Variants in ATP8A2 observed in about 807,000 individuals in gnomAD.
ATP8A2 encodes the protein ATPase phospholipid transporting 8A2, also known as phospholipid-transporting ATPase IB.
In ATP8A2, 100 loss-of-function variants were observed where a neutral mutation model predicts 165.6. The ratio of observed to expected loss-of-function variants is 0.60; its 90% CI spans 0.51 to 0.71. ATP8A2 has a LOEUF of 0.71. Among genes scored for constraint, ATP8A2 ranks in the 30% least tolerant of loss-of-function variants. ATP8A2 has a pLI of 0.00. For missense variants in ATP8A2, 1,227 were observed against 1,479.5 expected, an observed-to-expected ratio of 0.83 and a Z score of 2.80; for synonymous variants, 543 against 548.8, an observed-to-expected ratio of 0.99 and a Z score of 0.15.
rs1273523421 is a variant in ATP8A2 at position 25,512,499 on chromosome 13, T to G, written c.222-17500T>G. Among the ~76,000 whole-genome samples the G allele has an allele frequency of 2.2e-5, 3 of 134,278 alleles. No individual in the cohort carries two copies. In the Admixed American group the frequency reaches 2.2e-4, roughly 10 times the overall value. 88.1% of individuals were successfully genotyped at this position (134,278 alleles called of 152,430 possible). On this transcript the variant is annotated intron_variant, in intron 2 of 36. Transcript: ENST00000381655. ...TCATCTCCCGGACGGGGCGGCTGGC[T>G]GGGCGGGGGGCTGACCTCCCCACCT...
chr13:25,895,906 C>A (rs1169126437), intron 33 of ATP8A2, among the ~76,000 whole-genome samples: 5 of 151,814 alleles, frequency 3.3e-5, no homozygotes, highest in African/African-American at 1.2e-4. Context: ...TTATTGCATC[C>A]ATTTGATTCT....
intron 27 of ATP8A2, among the ~76,000 whole-genome samples, chr13:25,801,701 A>C (rs1316666221): frequency 6.6e-6 from 1 of 152,216 alleles, no homozygotes; most frequent in African/African-American, 2.4e-5. Flanking sequence ...AAATATTAAA[A>C]ATATGATATA....
At chr13:25,854,999 C>G (rs1952116616) in intron 30 of ATP8A2, among the ~76,000 whole-genome samples, 1 of 152,190 alleles carries the variant, frequency 6.6e-6, no homozygotes, top group Middle Eastern at 3.4e-3. Context: ...GCCTGTAATC[C>G]CAGCACTTTG....
At chr13:25,763,700 T>A (rs2044432050) in intron 25 of ATP8A2, among the ~76,000 whole-genome samples, 1 of 152,088 alleles carries the variant, frequency 6.6e-6, no homozygotes, top group Non-Finnish European at 1.5e-5. Flanking sequence ...TATACCAAAA[T>A]CTGGGCCATG....
chr13:25,573,087 G>A (rs759603147), intron 18 of ATP8A2, among the ~76,000 whole-genome samples: 1 of 152,160 alleles, frequency 6.6e-6, no homozygotes, highest in Non-Finnish European at 1.5e-5. Context: ...ATGAAGTACT[G>A]ATTGAATATA....
chr13:25,731,523 A>T (rs200567055), intron 25 of ATP8A2, among the ~76,000 whole-genome samples: 21,725 of 152,226 alleles, frequency 0.14, 1,900 homozygotes, highest in Admixed American at 0.22. Flanking sequence ...TTTTGGCCAA[A>T]GAATGCTTTT....
intron 24 of ATP8A2, among the ~76,000 whole-genome samples, chr13:25,664,231 G>C (rs2042106550): frequency 6.6e-6 from 1 of 152,114 alleles, no homozygotes; most frequent in African/African-American, 2.4e-5. Context: ...TTACTTTCTT[G>C]TAAGTAAAGG....
chr13:25,578,858 T>G lies in ATP8A2; in HGVS notation c.1826T>G (p.Met609Arg). Reference protein sequence around the residue: ...FERLSKDSKYMEETLCHLEYF... With the variant: ...FERLSKDSKYREETLCHLEYF... ...AGACTTTCAAAAGACTCAAAATATA[T>G]GGAGGAAACATTATGCCATCTGGAA... The change falls in exon 21 of 37, where the codon ATG (methionine) becomes AGG (arginine). Residue 609 changes from methionine (M) to arginine (R), a missense_variant. Coordinates refer to ENST00000381655, the MANE Select transcript of ATP8A2 (RefSeq NM_016529.6). The G allele has an allele frequency of 6.2e-7, 1 of 1,611,492 alleles. No individual in the cohort carries two copies. The highest frequency in any genetic ancestry group is 8.5e-7 in the Non-Finnish European group (1 of 1,177,650).
At chr13:25,792,576 A>G (rs115430373) in intron 27 of ATP8A2, among the ~76,000 whole-genome samples, 9 of 152,292 alleles carry the variant, frequency 5.9e-5, no homozygotes, top group African/African-American at 2.2e-4. Context: ...AAATGTAATT[A>G]TGGTCCTTGA....
chr13:25,907,669 T>C (rs1953984595), intron 33 of ATP8A2, among the ~76,000 whole-genome samples: 1 of 152,212 alleles, frequency 6.6e-6, no homozygotes, highest in Non-Finnish European at 1.5e-5. Context: ...AAAGCCTTAC[T>C]TCTTAACAGG....
rs149676040 is a variant in ATP8A2 at position 25,949,195 on chromosome 13, A to G, written c.3184-12380A>G. Among the ~76,000 whole-genome samples the G allele has an allele frequency of 7.1e-3, 1,077 of 152,328 alleles. 9 individuals carry two copies. Among genetic ancestry groups the G allele is most frequent in the African/African-American group, 0.025 (1,021 of 41,564 alleles). ...AATGAAATGGTGTCTGTCTGTTCCA[A>G]GGCTGGGCTCTGCAGGGGCAGGAGA... On this transcript the variant is annotated intron_variant, in intron 33 of 36. Coordinates refer to ENST00000381655, the MANE Select transcript of ATP8A2 (RefSeq NM_016529.6).
chr13:25,817,226 A>G (rs1431922246), intron 27 of ATP8A2, among the ~76,000 whole-genome samples: 1 of 152,140 alleles, frequency 6.6e-6, no homozygotes, highest in Non-Finnish European at 1.5e-5. Context: ...GCCTTGAACT[A>G]TAAAAAAAAT....
In ATP8A2 at chr13:25,423,084, C is replaced by G. The variant is rs904437778; in HGVS notation, c.77-45893C>G. 3.9e-5 allele frequency among the ~76,000 whole-genome samples: 6 copies of G among 152,102 alleles called. No individual in the cohort carries two copies. The East Asian group carries it at 9.6e-4, about 24-fold the overall frequency. ...CGTGTCTTCTTTCACTGCTCCACCC[C>G]CACCGTGGCATCATGACGGAAGGCA... On this transcript the variant is annotated intron_variant, in intron 1 of 36. Coordinates refer to ENST00000381655, the MANE Select transcript of ATP8A2 (RefSeq NM_016529.6).
intron 25 of ATP8A2, among the ~76,000 whole-genome samples, chr13:25,765,509 G>A (rs1165121975): frequency 6.6e-6 from 1 of 152,156 alleles, no homozygotes; most frequent in Non-Finnish European, 1.5e-5. Flanking sequence ...GAAATTAGCT[G>A]TTGGACATCT....
At chr13:25,824,723 C>G (rs1360868082) in intron 27 of ATP8A2, among the ~76,000 whole-genome samples, 1 of 151,904 alleles carries the variant, frequency 6.6e-6, no homozygotes, top group African/African-American at 2.4e-5. Flanking sequence ...TTTTTCTTTT[C>G]AGTTCACCTT....
Position 25,564,033 on chromosome 13 carries a change from T to TA in ATP8A2, c.1473+4dup. 6.2e-7 allele frequency: 1 copy of TA among 1,608,108 alleles called. No individual in the cohort carries two copies. Among genetic ancestry groups the TA allele is most frequent in the Non-Finnish European group, 8.5e-7 (1 of 1,174,510 alleles). On this transcript the variant is annotated splice_region_variant and intron_variant, in intron 16 of 36. Transcript: ENST00000381655. Reference sequence around the variant, plus strand: ...TTGAAGAACATTGAGGATCGCCATGTAAGTGCTCTGTTTTACTTCGAAGAC... The same window carrying TA: ...TTGAAGAACATTGAGGATCGCCATGTAAAGTGCTCTGTTTTACTTCGAAGAC...
At chr13:25,675,038 G>A (rs762709983) in intron 24 of ATP8A2, among the ~76,000 whole-genome samples, 1 of 152,116 alleles carries the variant, frequency 6.6e-6, no homozygotes, top group African/African-American at 2.4e-5. Context: ...AACCAAATGC[G>A]AGTCATCCTG....
At chr13:25,935,915 G>C (rs1593587259) in intron 33 of ATP8A2, among the ~76,000 whole-genome samples, 1 of 152,174 alleles carries the variant, frequency 6.6e-6, no homozygotes. Context: ...TGAGTTGCAG[G>C]TAATATGAGA....
chr13:26,003,800 A>G (rs1358283660), intron 35 of ATP8A2, among the ~76,000 whole-genome samples: 1 of 152,086 alleles, frequency 6.6e-6, no homozygotes, highest in Non-Finnish European at 1.5e-5. Context: ...GTGTGTTATT[A>G]GCACCTTTGT....
Sources: allele counts gnomAD v4.1 joint callset (sites outside exome capture counted in the v4.1 genomes callset), GRCh38; gene constraint gnomAD v4.1.1; transcripts MANE v1.5; gene names NCBI Gene and HGNC (gene_info 2026-07-23, HGNC 2026-07-21).